TRDN: variants seen among roughly 807,000 people sequenced by gnomAD.
TRDN encodes the protein triadin in skeletal muscle.
TRDN carries 161 observed loss-of-function variants against 149.7 expected under a neutral mutation model. The observed-to-expected ratio is 1.08, with a 90% CI of 0.95 to 1.23. The LOEUF is 1.23. Ranked by LOEUF, TRDN falls within the 50% of genes most tolerant of loss-of-function variation. The pLI is 0.00. For synonymous variants in TRDN, 294 were observed against 250.5 expected, an observed-to-expected ratio of 1.17 and a Z score of -1.64; for missense variants, 896 against 823.5, an observed-to-expected ratio of 1.09 and a Z score of -1.08.
chr6:123,225,398 A>C (rs761174900), intron 38 of TRDN, among the ~76,000 whole-genome samples: 4 of 151,704 alleles, frequency 2.6e-5, no homozygotes, highest in Non-Finnish European at 1.5e-5. Flanking sequence ...ATTTAAGAAG[A>C]AGCTACCATA....
rs570332892 is a variant in TRDN, at chr6:123,632,201, T to G, written c.22+4553A>C. ...AACTGGGTTGTTTGTACTGTAGAGG[T>G]TCCCAGAGCCTACTGCCTACTATGG... On this transcript the variant is annotated intron_variant, in intron 1 of 40. Transcript: ENST00000334268. Among the ~76,000 whole-genome samples the G allele has an allele frequency of 1.3e-3, 201 of 152,232 alleles. 1 individual carries two copies. The Middle Eastern group carries it at 0.02, about 15-fold the overall frequency.
intron 20 of TRDN, among the ~76,000 whole-genome samples, chr6:123,358,972 C>T (rs569738740): frequency 1.3e-5 from 2 of 152,186 alleles, no homozygotes; most frequent in African/African-American, 2.4e-5. Flanking sequence ...AGATAGAATG[C>T]TATTATTTCC....
At chr6:123,448,557 A>G (rs1775545416) in intron 10 of TRDN, among the ~76,000 whole-genome samples, 1 of 151,888 alleles carries the variant, frequency 6.6e-6, no homozygotes, top group South Asian at 2.1e-4. Context: ...TCTCACCCCC[A>G]TCCCCCACAG....
rs78677470 is a variant in TRDN at position 123,231,919 on chromosome 6, T to C, written c.1976-7788A>G. ...AAGAGTAGAATCCCCTCTTGGGATA[T>C]GGAGAGGGTAGAAGGATAAGGGCAA... On this transcript the variant is annotated intron_variant, in intron 38 of 40. Transcript: ENST00000334268. Among the ~76,000 whole-genome samples, 468 of 152,108 alleles carry C rather than the reference T, an allele frequency of 3.1e-3. 18 individuals are homozygous for C. The East Asian group carries it at 0.075, about 24-fold the overall frequency.
chr6:123,352,216 C>T, intron 21 of TRDN: 2 of 984,354 alleles, frequency 2.0e-6, no homozygotes. Context: ...GTTAAAACCA[C>T]AAATCAAATA....
intron 24 of TRDN, among the ~76,000 whole-genome samples, chr6:123,279,419 T>A (rs1777501238): frequency 6.6e-6 from 1 of 152,154 alleles, no homozygotes; most frequent in Admixed American, 6.6e-5. Flanking sequence ...TTATAAAAAC[T>A]AGTGGCCAGT....
At chr6:123,290,027 C>G (rs1777947063) in intron 24 of TRDN, among the ~76,000 whole-genome samples, 2 of 152,088 alleles carry the variant, frequency 1.3e-5, no homozygotes, top group Non-Finnish European at 2.9e-5. Flanking sequence ...GGACCCAAGA[C>G]CCAGTGGAAA....
At chr6:123,472,363 G>C (rs571780672) in intron 9 of TRDN, among the ~76,000 whole-genome samples, 3 of 152,320 alleles carry the variant, frequency 2.0e-5, no homozygotes, top group South Asian at 4.1e-4. Context: ...CGAATACTGC[G>C]CTTTTCCGAC....
chr6:123,519,202 C>CA (rs1779551753), intron 5 of TRDN, among the ~76,000 whole-genome samples: 1 of 152,186 alleles, frequency 6.6e-6, no homozygotes, highest in Non-Finnish European at 1.5e-5. Context: ...TAATTAAAAA[C>CA]AAATGGAATC....
At chr6:123,341,412 A>C (rs1047083419) in intron 21 of TRDN, among the ~76,000 whole-genome samples, 1 of 151,878 alleles carries the variant, frequency 6.6e-6, no homozygotes, top group African/African-American at 2.4e-5. Flanking sequence ...TATATGTTTT[A>C]AAATCTTTAC....
At chr6:123,345,060 T>C (rs752167262) in intron 21 of TRDN, among the ~76,000 whole-genome samples, 3 of 152,038 alleles carry the variant, frequency 2.0e-5, no homozygotes, top group Admixed American at 6.6e-5. Context: ...GCCCAACTTA[T>C]ATATTTTTTT....
intron 7 of TRDN, among the ~76,000 whole-genome samples, chr6:123,508,149 T>C (rs915553920): frequency 1.3e-5 from 2 of 152,180 alleles, no homozygotes; most frequent in African/African-American, 4.8e-5. Flanking sequence ...TCTTGGAGTT[T>C]CCCTAGAACT....
chr6:123,375,710 CTTAA>C lies in TRDN; in HGVS notation c.1247-83_1247-80del, dbSNP rs1781476947. ...CTTTCCAAAATAATTGTAAGGTTAT[CTTAA>C]TTGTTTAAAGATTGTGTGTATAATA... On this transcript the variant is annotated intron_variant, in intron 18 of 40. Coordinates refer to ENST00000334268, the MANE Select transcript of TRDN (RefSeq NM_006073.4). 3.5e-6 allele frequency: 4 copies of C among 1,154,478 alleles called. No individual in the cohort carries two copies. In the African/African-American group the frequency reaches 6.6e-5, roughly 19 times the overall value. The allele number at this position is 1,154,478 out of a possible 1,614,324, so 71.5% of individuals were successfully genotyped here. A position where few individuals can be genotyped will look rare whatever the true frequency, so the allele number is the denominator to read the frequency against.
At chr6:123,614,590 A>C (rs1410970075) in intron 1 of TRDN, among the ~76,000 whole-genome samples, 1 of 151,632 alleles carries the variant, frequency 6.6e-6, no homozygotes, top group Admixed American at 6.6e-5. Flanking sequence ...TTAAAATTTT[A>C]ATCTAAATTT....
rs1780089209 is a variant in TRDN, at chr6:123,529,107, C to G, written c.484+1399G>C. The G allele has an allele frequency of 2.0e-6, 3 of 1,479,528 alleles. No individual in the cohort carries two copies. The South Asian group carries it at 4.0e-5, about 20-fold the overall frequency. 91.7% of individuals were successfully genotyped at this position (1,479,528 alleles called of 1,614,324 possible). A position where few individuals can be genotyped will look rare whatever the true frequency, so the allele number is the denominator to read the frequency against. ...TCCAAAATGCAAATGGTGCCATCTACATTACTACCGCCACTCCAGCAGCAC... is the reference window on the plus strand; with the variant it reads ...TCCAAAATGCAAATGGTGCCATCTAGATTACTACCGCCACTCCAGCAGCAC... On this transcript the variant is annotated intron_variant, in intron 5 of 40. Coordinates refer to ENST00000334268, the MANE Select transcript of TRDN (RefSeq NM_006073.4).
chr6:123,486,768 G>A (rs936094470), intron 9 of TRDN, among the ~76,000 whole-genome samples: 16 of 151,912 alleles, frequency 1.1e-4, no homozygotes, highest in Admixed American at 1.1e-3. Flanking sequence ...ATGAGGGCAG[G>A]TACCATACAT....
rs768838843 is a variant in TRDN, at chr6:123,516,097, G to A, written c.550+44C>T. On this transcript the variant is annotated intron_variant, in intron 6 of 40. Transcript: ENST00000334268. ...AATGTAAAGAGTAGGAAGTCAATGG[G>A]AAAGGACTCAGTGTGTTAAACAGTA... is the stretch of plus-strand genomic sequence containing the variant. The A allele has an allele frequency of 2.8e-6, 4 of 1,414,788 alleles. No homozygotes were observed. In the South Asian group the frequency reaches 4.4e-5, roughly 16 times the overall value. 87.6% of individuals were successfully genotyped at this position (1,414,788 alleles called of 1,614,324 possible). A position where few individuals can be genotyped will look rare whatever the true frequency, so the allele number is the denominator to read the frequency against.
chr6:123,495,312 A>G (rs902228268), intron 9 of TRDN, among the ~76,000 whole-genome samples: 1 of 151,724 alleles, frequency 6.6e-6, no homozygotes, highest in Admixed American at 6.6e-5. Context: ...TAAGGTCAGG[A>G]GTTTGAGACC....
At chr6:123,336,995 G>T (rs2114736608) in intron 22 of TRDN, among the ~76,000 whole-genome samples, 1 of 152,040 alleles carries the variant, frequency 6.6e-6, no homozygotes, top group South Asian at 2.1e-4. Context: ...CTTAGGATCA[G>T]TTTAAATATT....
Sources: gnomAD v4.1 joint callset for allele counts (sites outside exome capture counted in the v4.1 genomes callset) on GRCh38, gnomAD v4.1.1 for gene constraint, MANE v1.5 for transcripts, NCBI Gene and HGNC (gene_info 2026-07-23, HGNC 2026-07-21) for gene names.